Variants in EPHA6 observed in about 807,000 individuals in gnomAD.
EPHA6 encodes ephrin type-A receptor 6.
Under a neutral mutation model 112.0 loss-of-function variants are expected in EPHA6, and 50 were observed. The observed-to-expected ratio is 0.45, with a 90% CI of 0.36 to 0.56. EPHA6 has a LOEUF of 0.56. Among genes scored for constraint, EPHA6 ranks in the 20% least tolerant of loss-of-function variants. The pLI, the probability that EPHA6 is intolerant of heterozygous loss-of-function variation, is 0.00. For synonymous variants in EPHA6, 529 were observed against 490.7 expected, an observed-to-expected ratio of 1.08 and a Z score of -1.03; for missense variants, 1,280 against 1,417.4, an observed-to-expected ratio of 0.90 and a Z score of 1.56.
intron 5 of EPHA6, among the ~76,000 whole-genome samples, chr3:97,292,215 G>A (rs553162493): frequency 3.3e-5 from 5 of 152,254 alleles, no homozygotes; most frequent in African/African-American, 9.6e-5. Context: ...GAACCGCAGA[G>A]CCCCAAAGAG....
intron 12 of EPHA6, 28 bp downstream of exon 12, chr3:97,592,765 C>T (rs374670398): frequency 1.9e-6 from 3 of 1,560,388 alleles, no homozygotes; most frequent in African/African-American, 1.4e-5. Flanking sequence ...AGTTTTCTGC[C>T]ACCATATACA....
intron 3 of EPHA6, among the ~76,000 whole-genome samples, chr3:97,039,041 GA>G (rs1368031766): frequency 2.0e-5 from 3 of 152,046 alleles, no homozygotes; most frequent in Admixed American, 2.0e-4. Context: ...TTTGAAACTG[GA>G]AAATGTCTGC....
chr3:96,990,942 C>A (rs2043193104), intron 3 of EPHA6, among the ~76,000 whole-genome samples: 1 of 151,690 alleles, frequency 6.6e-6, no homozygotes, highest in African/African-American at 2.4e-5. Flanking sequence ...ATGAGTATAT[C>A]ACTATTTTTC....
At chr3:97,257,355 A>G (rs958084608) in intron 5 of EPHA6, among the ~76,000 whole-genome samples, 3 of 152,020 alleles carry the variant, frequency 2.0e-5, no homozygotes, top group Non-Finnish European at 1.5e-5. Context: ...TTTGTAATGA[A>G]AAAACCATGG....
intron 5 of EPHA6, among the ~76,000 whole-genome samples, chr3:97,344,990 A>C (rs1466944510): frequency 6.6e-6 from 1 of 152,144 alleles, no homozygotes; most frequent in Non-Finnish European, 1.5e-5. Context: ...TAAATGTGGG[A>C]AGCCTGAGCA....
At chr3:96,894,136 A>G (rs549636214) in intron 2 of EPHA6, among the ~76,000 whole-genome samples, 1 of 152,148 alleles carries the variant, frequency 6.6e-6, no homozygotes, top group South Asian at 2.1e-4. Context: ...TACATATTGA[A>G]TTCATTTGTG....
intron 2 of EPHA6, among the ~76,000 whole-genome samples, chr3:96,897,476 T>G (rs1022140071): frequency 2.6e-5 from 4 of 152,212 alleles, no homozygotes; most frequent in Non-Finnish European, 5.9e-5. Context: ...ATCATAAATG[T>G]ATCTTTATGT....
At chr3:97,452,260 G>A (rs1196584957) in intron 7 of EPHA6, among the ~76,000 whole-genome samples, 2 of 151,696 alleles carry the variant, frequency 1.3e-5, no homozygotes, top group Non-Finnish European at 3.0e-5. Flanking sequence ...ATCACTGTTA[G>A]CATCATAAAA....
intron 5 of EPHA6, among the ~76,000 whole-genome samples, chr3:97,392,623 T>G (rs1210521799): frequency 5.3e-5 from 8 of 151,814 alleles, no homozygotes; most frequent in Admixed American, 1.3e-4. Flanking sequence ...TTTCTAAACT[T>G]TTTACAAAAT....
At chr3:97,011,168 C>T (rs2044071929) in intron 3 of EPHA6, among the ~76,000 whole-genome samples, 1 of 152,136 alleles carries the variant, frequency 6.6e-6, no homozygotes, top group Non-Finnish European at 1.5e-5. Flanking sequence ...TCTGAAAAAT[C>T]CATCTTAAAT....
chr3:97,363,561 A>G (rs977096077), intron 5 of EPHA6, among the ~76,000 whole-genome samples: 2 of 151,966 alleles, frequency 1.3e-5, no homozygotes, highest in Non-Finnish European at 2.9e-5. Flanking sequence ...TGTTTAAAAA[A>G]GAACCTCTGA....
At chr3:97,339,918 G>T (rs933691829) in intron 5 of EPHA6, among the ~76,000 whole-genome samples, 1 of 152,178 alleles carries the variant, frequency 6.6e-6, no homozygotes, top group Non-Finnish European at 1.5e-5. Flanking sequence ...TGGTAGCTTA[G>T]CTCCCATTGA....
chr3:97,716,373 C>A (rs2034224691), intron 14 of EPHA6, among the ~76,000 whole-genome samples: 1 of 124,632 alleles, frequency 8.0e-6, no homozygotes, highest in South Asian at 2.2e-4. Context: ...TCGAGACCAT[C>A]CTGGCTAACA....
intron 3 of EPHA6, among the ~76,000 whole-genome samples, chr3:97,014,351 T>G (rs2044194906): frequency 6.7e-6 from 1 of 149,304 alleles, no homozygotes; most frequent in African/African-American, 2.5e-5. Flanking sequence ...CCTCCCTACC[T>G]CTCTCCCTCC....
chr3:97,740,772 T>C (rs1394071341), intron 16 of EPHA6, among the ~76,000 whole-genome samples: 1 of 152,152 alleles, frequency 6.6e-6, no homozygotes, highest in African/African-American at 2.4e-5. Flanking sequence ...TTCCAACATT[T>C]TGATATAAAA....
intron 14 of EPHA6, among the ~76,000 whole-genome samples, chr3:97,654,454 T>G (rs963974114): frequency 6.6e-6 from 1 of 151,936 alleles, no homozygotes; most frequent in Non-Finnish European, 1.5e-5. Context: ...GTCTTGAGGA[T>G]GGCAGAAATA....
intron 5 of EPHA6, among the ~76,000 whole-genome samples, chr3:97,357,482 A>G (rs116153005): frequency 0.026 from 3,923 of 152,234 alleles, 157 homozygotes; most frequent in African/African-American, 0.087. Flanking sequence ...GATTACAGGC[A>G]TGAGCCACTG....
chr3:97,012,628 T>G (rs996731257), intron 3 of EPHA6, among the ~76,000 whole-genome samples: 10 of 148,330 alleles, frequency 6.7e-5, no homozygotes. Flanking sequence ...TATATGTATT[T>G]TTTTTTTTTT....
intron 6 of EPHA6, chr3:97,447,750 A>G: frequency 9.9e-7 from 1 of 1,013,160 alleles, no homozygotes; most frequent in South Asian, 4.6e-5. Context: ...GTTCACTTCC[A>G]TTTAGTGAAG....
Sources: allele counts gnomAD v4.1 joint callset (sites outside exome capture counted in the v4.1 genomes callset), GRCh38; gene constraint gnomAD v4.1.1; transcripts MANE v1.5; gene names NCBI Gene and HGNC (gene_info 2026-07-23, HGNC 2026-07-21).